Variants in NPAS2 observed in about 807,000 individuals in gnomAD.
NPAS2 encodes neuronal PAS domain protein 2.
A neutral mutation model predicts 107.5 loss-of-function variants in NPAS2; 23 were observed. That is an observed-to-expected ratio of 0.21 (90% CI 0.15 to 0.30). NPAS2 has a LOEUF of 0.30. NPAS2 is among the 10% of genes least tolerant of loss of function. The pLI is 1.00. For synonymous variants in NPAS2, 403 were observed against 417.5 expected, an observed-to-expected ratio of 0.97 and a Z score of 0.42; for missense variants, 756 against 1,043.3, an observed-to-expected ratio of 0.72 and a Z score of 3.79.
intron 3 of NPAS2, among the ~76,000 whole-genome samples, chr2:100,926,005 T>C (rs1683537523): frequency 1.3e-5 from 2 of 152,226 alleles, no homozygotes; most frequent in South Asian, 2.1e-4. Flanking sequence ...TCAATTCCCC[T>C]ATTCTAGGCA....
At chr2:100,955,915 G>GT (rs369970209) in intron 7 of NPAS2, among the ~76,000 whole-genome samples, 1 of 152,016 alleles carries the variant, frequency 6.6e-6, no homozygotes, top group South Asian at 2.1e-4. Context: ...TTGTTTGTTT[G>GT]TTTTTTTGAG....
At chr2:100,825,074 T>C (rs1377084195) in intron 1 of NPAS2, among the ~76,000 whole-genome samples, 4 of 152,206 alleles carry the variant, frequency 2.6e-5, no homozygotes, top group Non-Finnish European at 2.9e-5. Context: ...GTTGCTTTGC[T>C]GAAGGCCGTG....
chr2:100,870,925 A>G (rs185513027), intron 1 of NPAS2, among the ~76,000 whole-genome samples: 1 of 152,338 alleles, frequency 6.6e-6, no homozygotes, highest in Non-Finnish European at 1.5e-5. Flanking sequence ...CTCTAGTGGC[A>G]CCTTGGACTT....
At chr2:100,939,516 G>T (rs1674451931) in intron 5 of NPAS2, among the ~76,000 whole-genome samples, 1 of 152,174 alleles carries the variant, frequency 6.6e-6, no homozygotes. Context: ...GAATACAGAA[G>T]TGATCCCCAT....
chr2:100,828,213 T>G (rs1377352323), intron 1 of NPAS2, among the ~76,000 whole-genome samples: 1 of 152,214 alleles, frequency 6.6e-6, no homozygotes, highest in Non-Finnish European at 1.5e-5. Flanking sequence ...TTTTGAGAAG[T>G]GTCTGTTCAT....
At chr2:100,970,902 C>A in intron 11 of NPAS2, 88 bp from the exon 12 acceptor site, 1 of 1,183,550 alleles carries the variant, frequency 8.4e-7, no homozygotes, top group Non-Finnish European at 1.2e-6. Context: ...ACGTAGAGAA[C>A]CTCGATGTAC....
In NPAS2 at chr2:100,995,667, A is replaced by C; in HGVS notation, c.*85A>C. The C allele has an allele frequency of 6.4e-7, 1 of 1,553,888 alleles. No individual in the cohort carries two copies. The highest frequency in any genetic ancestry group is 8.7e-7 in the Non-Finnish European group (1 of 1,149,836). ...ACAGGAGATGGGGAGAGGAGTCTGA[A>C]CTAAACCCCTGGCTTTTGTGCACAC... On this transcript the variant is annotated 3_prime_UTR_variant, in exon 21 of 21. Transcript: ENST00000335681.
chr2:100,887,380 A>C (rs1389399094), intron 1 of NPAS2, among the ~76,000 whole-genome samples: 1 of 152,222 alleles, frequency 6.6e-6, no homozygotes, highest in East Asian at 1.9e-4. Context: ...CCTTGTGCCC[A>C]CCAATCCTGG....
intron 15 of NPAS2, among the ~76,000 whole-genome samples, chr2:100,980,240 C>T (rs58066674): frequency 1.3e-5 from 2 of 152,250 alleles, no homozygotes; most frequent in South Asian, 2.1e-4. Flanking sequence ...AACTGGGCAC[C>T]GATGAGCCGC....
intron 1 of NPAS2, among the ~76,000 whole-genome samples, chr2:100,888,817 AT>A (rs1172910378): frequency 6.6e-6 from 1 of 151,722 alleles, no homozygotes; most frequent in Non-Finnish European, 1.5e-5. Flanking sequence ...TCAGGCGGAC[AT>A]GTCTTGGACT....
At chr2:100,953,044 T>C (rs527784107) in intron 7 of NPAS2, among the ~76,000 whole-genome samples, 2 of 133,784 alleles carry the variant, frequency 1.5e-5, no homozygotes, top group South Asian at 5.3e-4. Context: ...GGGATTAAAA[T>C]AGCAAAAATT....
chr2:100,837,971 C>G (rs1677168904), intron 1 of NPAS2, among the ~76,000 whole-genome samples: 1 of 152,108 alleles, frequency 6.6e-6, no homozygotes. Context: ...GTGGCAGAAC[C>G]CAGGGTGGGA....
intron 1 of NPAS2, among the ~76,000 whole-genome samples, chr2:100,843,258 C>G (rs1490235907): frequency 1.3e-5 from 2 of 152,036 alleles, no homozygotes; most frequent in South Asian, 2.1e-4. Context: ...CTGGTGTCCC[C>G]ACTTTTGGTC....
chr2:100,819,450 C>G (rs1435800124), upstream of NPAS2, among the ~76,000 whole-genome samples: 1 of 152,180 alleles, frequency 6.6e-6, no homozygotes, highest in East Asian at 1.9e-4. The surrounding 1 kb of genome is among the most constrained non-coding windows in gnomAD (Gnocchi z 5.8). Context: ...ACCGCTCGCC[C>G]GCATCTTCCC....
rs1393348007 is a variant in NPAS2 at position 100,900,844 on chromosome 2, T to C, written c.-22-3889T>C. 2.6e-5 allele frequency among the ~76,000 whole-genome samples: 4 copies of C among 152,074 alleles called. 1 individual carries two copies. In the East Asian group the frequency reaches 7.7e-4, roughly 29 times the overall value. On this transcript the variant is annotated intron_variant, in intron 1 of 20. Transcript: ENST00000335681. ...TATGGTATGCCGATGGTGATTTTCT[T>C]TTCTTTTCTTTTCCCCTCCCCTCCC...
At chr2:100,966,778 G>A (rs1202141642) in intron 10 of NPAS2, among the ~76,000 whole-genome samples, 2 of 151,858 alleles carry the variant, frequency 1.3e-5, no homozygotes, top group African/African-American at 2.4e-5. Context: ...TGTATTTTTA[G>A]TACAGACAGG....
chr2:100,977,619 G>C, intron 14 of NPAS2, 91 bp from the exon 15 acceptor site: 2 of 1,101,380 alleles, frequency 1.8e-6, no homozygotes, highest in South Asian at 2.5e-5. Context: ...CCCCAGTGCG[G>C]AACGCAGAGA....
chr2:100,821,048 G>A (rs1173375805), intron 1 of NPAS2: 2 of 1,303,564 alleles, frequency 1.5e-6, no homozygotes, highest in Non-Finnish European at 2.0e-6. Flanking sequence ...TGGTTTTGTT[G>A]GGAGATGTGC....
chr2:100,828,377 G>A (rs1676519190), intron 1 of NPAS2, among the ~76,000 whole-genome samples: 2 of 152,040 alleles, frequency 1.3e-5, no homozygotes, highest in African/African-American at 4.8e-5. Context: ...TCTGTTGATA[G>A]GTTCTTTTTC....
Sources: allele counts gnomAD v4.1 joint callset (sites outside exome capture counted in the v4.1 genomes callset), GRCh38; gene constraint gnomAD v4.1.1; non-coding constraint Gnocchi (gnomAD v3.1); transcripts MANE v1.5; gene names NCBI Gene and HGNC (gene_info 2026-07-23, HGNC 2026-07-21).